GRID2: variants seen among roughly 807,000 people sequenced by gnomAD.
The protein encoded by GRID2 is glutamate ionotropic receptor delta type subunit 2.
GRID2 carries 33 observed loss-of-function variants against 114.8 expected under a neutral mutation model. The ratio of observed to expected loss-of-function variants is 0.29; its 90% CI spans 0.22 to 0.38. GRID2 has a LOEUF of 0.38. GRID2 is among the 10% of genes least tolerant of loss of function. The pLI, the probability that GRID2 is intolerant of heterozygous loss-of-function variation, is 1.00. For missense variants in GRID2, 1,184 were observed against 1,257.7 expected, an observed-to-expected ratio of 0.94 and a Z score of 0.89; for synonymous variants, 505 against 449.9, an observed-to-expected ratio of 1.12 and a Z score of -1.55.
intron 2 of GRID2, among the ~76,000 whole-genome samples, chr4:92,651,994 C>T (rs1299911462): frequency 1.3e-5 from 2 of 152,048 alleles, no homozygotes; most frequent in Non-Finnish European, 2.9e-5. Flanking sequence ...GGAGTGGGGA[C>T]CATGGCTGTT....
intron 2 of GRID2, among the ~76,000 whole-genome samples, chr4:92,624,690 T>G (rs1166694159): frequency 2.0e-5 from 3 of 151,732 alleles, no homozygotes; most frequent in Non-Finnish European, 4.4e-5. Flanking sequence ...TTAAGAATCT[T>G]CAACCAAAGG....
chr4:92,945,561 T>G (rs923250313), intron 2 of GRID2, among the ~76,000 whole-genome samples: 1 of 152,204 alleles, frequency 6.6e-6, no homozygotes, highest in Non-Finnish European at 1.5e-5. Flanking sequence ...TTGTGATAAT[T>G]GTTATCCTTC....
At chr4:92,690,955 A>C (rs1269651920) in intron 2 of GRID2, among the ~76,000 whole-genome samples, 1 of 152,156 alleles carries the variant, frequency 6.6e-6, no homozygotes, top group African/African-American at 2.4e-5. Context: ...AAGGAGAGTT[A>C]GTTTAGAATG....
At position 93,722,925 on chromosome 4, in the gene GRID2, A is replaced by G. The variant is rs143498269; in HGVS notation, c.2361-46285A>G. ...AAAATTCTAAACTTCTTCCAAACAG[A>G]TACTGAAAACCATGTAACCACCCCA... On this transcript the variant is annotated intron_variant, in intron 14 of 15. Transcript: ENST00000282020. Among the ~76,000 whole-genome samples, 633 of 152,322 alleles carry G rather than the reference A, an allele frequency of 4.2e-3. 2 individuals are homozygous for G. Among genetic ancestry groups the G allele is most frequent in the Non-Finnish European group, 6.4e-3 (435 of 68,020 alleles).
intron 1 of GRID2, among the ~76,000 whole-genome samples, chr4:92,562,643 T>A (rs1217186627): frequency 1.3e-5 from 2 of 152,134 alleles, no homozygotes; most frequent in East Asian, 3.9e-4. Context: ...AGGCCCGACC[T>A]AGAAACATGA....
chr4:93,371,464 G>C (rs532352903), intron 8 of GRID2, among the ~76,000 whole-genome samples: 72 of 152,134 alleles, frequency 4.7e-4, no homozygotes, highest in African/African-American at 1.7e-3. Flanking sequence ...CAGGGAAAGA[G>C]TGAAGCCTTT....
At chr4:92,735,241 C>T (rs1384523360) in intron 2 of GRID2, among the ~76,000 whole-genome samples, 1 of 151,982 alleles carries the variant, frequency 6.6e-6, no homozygotes, top group Non-Finnish European at 1.5e-5. Context: ...TGTTCTGAGA[C>T]CTCTAGTGGA....
rs1560600104 is a variant in GRID2 at position 92,800,902 on chromosome 4, T to A, written c.244+210616T>A. Among the ~76,000 whole-genome samples the A allele has an allele frequency of 2.0e-5, 3 of 152,032 alleles. No individual in the cohort carries two copies. In the South Asian group the frequency reaches 6.2e-4, roughly 32 times the overall value. On this transcript the variant is annotated intron_variant, in intron 2 of 15. Coordinates refer to ENST00000282020, the MANE Select transcript of GRID2 (RefSeq NM_001510.4). ...ATTTCAATCTGAATACTGGTCCCAC[T>A]TTTTATTAACCCCTGTCTTGCTCAG...
chr4:92,667,503 A>G (rs1438925076), intron 2 of GRID2, among the ~76,000 whole-genome samples: 2 of 151,778 alleles, frequency 1.3e-5, no homozygotes, highest in East Asian at 3.9e-4. Flanking sequence ...TAATGACTAC[A>G]TTTACTATTT....
intron 1 of GRID2, among the ~76,000 whole-genome samples, chr4:92,505,042 A>G (rs918863044): frequency 6.6e-6 from 1 of 152,012 alleles, no homozygotes; most frequent in Non-Finnish European, 1.5e-5. Flanking sequence ...AATGTAACTT[A>G]AGATGGTGCG....
At chr4:92,658,767 G>A (rs116032413) in intron 2 of GRID2, among the ~76,000 whole-genome samples, 7 of 137,852 alleles carry the variant, frequency 5.1e-5, no homozygotes, top group Admixed American at 1.6e-4. Flanking sequence ...TACAATGAAT[G>A]TGTTTGCATG....
intron 8 of GRID2, among the ~76,000 whole-genome samples, chr4:93,261,596 G>A (rs1022710317): frequency 3.3e-5 from 5 of 151,768 alleles, no homozygotes; most frequent in African/African-American, 1.2e-4. Context: ...TATTTAAGAG[G>A]ATAACTCTTG....
chr4:93,798,599 C>T (rs1431034924), intron 1 of GRID2, among the ~76,000 whole-genome samples: 1 of 152,168 alleles, frequency 6.6e-6, no homozygotes, highest in Non-Finnish European at 1.5e-5. Context: ...ACATATGTAC[C>T]AGGTGCATCC....
intron 2 of GRID2, among the ~76,000 whole-genome samples, chr4:92,611,196 T>C (rs1729730623): frequency 6.6e-6 from 1 of 151,120 alleles, no homozygotes; most frequent in South Asian, 2.1e-4. Context: ...CATAATAAAA[T>C]ACAACAGACT....
intron 2 of GRID2, among the ~76,000 whole-genome samples, chr4:92,593,234 C>G (rs1245474210): frequency 6.6e-6 from 1 of 151,938 alleles, no homozygotes; most frequent in Non-Finnish European, 1.5e-5. Context: ...GTAATAATGA[C>G]AAATGATAAT....
intron 8 of GRID2, among the ~76,000 whole-genome samples, chr4:93,380,537 C>T (rs1763754850): frequency 1.3e-5 from 2 of 151,284 alleles, no homozygotes; most frequent in Non-Finnish European, 2.9e-5. Context: ...AATTGAAATT[C>T]CACAAAATGC....
chr4:93,103,854 T>C (rs1221865328), intron 3 of GRID2, among the ~76,000 whole-genome samples: 1 of 148,806 alleles, frequency 6.7e-6, no homozygotes, highest in African/African-American at 2.5e-5. Flanking sequence ...TTTTTTTTTG[T>C]TTGTTTTTTT....
At chr4:92,633,693 G>A (rs1436873204) in intron 2 of GRID2, among the ~76,000 whole-genome samples, 2 of 152,064 alleles carry the variant, frequency 1.3e-5, no homozygotes, top group Non-Finnish European at 2.9e-5. Context: ...GTGTCTAAAT[G>A]TATTTACATT....
chr4:93,346,954 C>T (rs906353906), intron 8 of GRID2, among the ~76,000 whole-genome samples: 1 of 152,130 alleles, frequency 6.6e-6, no homozygotes, highest in African/African-American at 2.4e-5. Context: ...CATTGGTATG[C>T]TTGCCTTCCA....
Sources: allele counts gnomAD v4.1 joint callset (sites outside exome capture counted in the v4.1 genomes callset), GRCh38; gene constraint gnomAD v4.1.1; transcripts MANE v1.5; gene names NCBI Gene and HGNC (gene_info 2026-07-23, HGNC 2026-07-21).